SLC29A4: variants seen among roughly 807,000 people sequenced by gnomAD.
SLC29A4 encodes equilibrative nucleoside transporter 4.
In SLC29A4, 36 loss-of-function variants were observed where a neutral mutation model predicts 43.9. That is an observed-to-expected ratio of 0.82 (90% confidence interval 0.63 to 1.08). SLC29A4 has a LOEUF of 1.08. Ranked by LOEUF, SLC29A4 falls within the 50% of genes least tolerant of loss-of-function variation. The pLI, the probability that SLC29A4 is intolerant of heterozygous loss-of-function variation, is 0.00. For synonymous variants in SLC29A4, 491 were observed against 338.0 expected (o/e 1.45, Z -4.97); for missense variants, 869 against 755.3 (o/e 1.15, Z -1.77).
intron 1 of SLC29A4, 138 bp from the exon 2 acceptor site, chr7:5,287,671 G>C (rs1785043684): frequency 1.2e-6 from 1 of 802,998 alleles, no homozygotes; most frequent in Non-Finnish European, 1.9e-6. Flanking sequence ...TTTGCAGTGA[G>C]GCATAGCTTG....
rs763628208 is a variant in SLC29A4 at position 5,299,326 on chromosome 7, C to G, written c.1108C>G (p.Leu370Val). 1 of 1,612,086 alleles carries G rather than the reference C, an allele frequency of 6.2e-7. No individual in the cohort carries two copies. Among genetic ancestry groups the G allele is most frequent in the Admixed American group, 1.7e-5 (1 of 60,012 alleles). Residue 370 changes from leucine (L) to valine (V), a missense_variant, in exon 9 of 11, where the codon CTG becomes GTG. Coordinates refer to ENST00000396872, the MANE Select transcript of SLC29A4 (RefSeq NM_153247.4). ...CGTGACCTACTTCATCACGCTGTGC[C>G]TGTTCCCCGGCCTCGAGTCTGAGAT... ...IAVTYFITLC[L>V]FPGLESEIRH...
At position 5,296,948 on chromosome 7, in the gene SLC29A4, T is replaced by G. The variant is rs1169243927; in HGVS notation, c.632T>G (p.Val211Gly). ...GCACGCCCCCCAGGCACGGCGGGCG[T>G]GATGATCTCTCTGAGCCGCATCCTC... ...GVMTGESTAG[V>G]MISLSRILTK... The change falls in exon 7 of 11, where the codon GTG (valine) becomes GGG (glycine). Residue 211 changes from valine (V) to glycine (G), a missense_variant. By Grantham distance (109) the Val-to-Gly change is moderately radical (BLOSUM62 -3). Coordinates refer to ENST00000396872, the MANE Select transcript of SLC29A4 (RefSeq NM_153247.4). 6.4e-7 allele frequency: 1 copy of G among 1,555,510 alleles called. No individual in the cohort carries two copies. Among genetic ancestry groups the G allele is most frequent in the Non-Finnish European group, 8.7e-7 (1 of 1,150,344 alleles).
At chr7:5,293,151 C>CT (rs892132837) in intron 5 of SLC29A4, among the ~76,000 whole-genome samples, 1 of 142,790 alleles carries the variant, frequency 7.0e-6, no homozygotes, top group Non-Finnish European at 1.5e-5. Flanking sequence ...TGTAGACTTT[C>CT]TTTTTTTTCT....
chr7:5,297,296 T>A, intron 7 of SLC29A4, 98 bp downstream of exon 7: 2 of 1,351,278 alleles, frequency 1.5e-6, no homozygotes, highest in Non-Finnish European at 2.0e-6. Context: ...CTCACCTGCA[T>A]CCCAGACTGT....
intron 10 of SLC29A4, among the ~76,000 whole-genome samples, chr7:5,302,191 T>A (rs1786218773): frequency 6.6e-6 from 1 of 152,158 alleles, no homozygotes; most frequent in African/African-American, 2.4e-5. Context: ...CCTCAGGTGA[T>A]CTGCCTGCCT....
Position 5,290,306 on chromosome 7 carries a change from G to A in SLC29A4, c.170-426G>A, listed in dbSNP as rs138666251. Among the ~76,000 whole-genome samples, 234 of 152,106 alleles carry A rather than the reference G, an allele frequency of 1.5e-3. 2 individuals are homozygous for A. In the East Asian group the frequency reaches 0.026, roughly 17 times the overall value. Reference sequence around the variant, plus strand: ...TCTCGATCTCCTGACCTCGTGATCCGCCCGTCTTGGCCTCCCAAAGTGCTG... The same window carrying A: ...TCTCGATCTCCTGACCTCGTGATCCACCCGTCTTGGCCTCCCAAAGTGCTG... On this transcript the variant is annotated intron_variant, in intron 2 of 10. Transcript: ENST00000396872.
chr7:5,289,270 G>A (rs1342936764), intron 2 of SLC29A4, among the ~76,000 whole-genome samples: 1 of 152,128 alleles, frequency 6.6e-6, no homozygotes, highest in Non-Finnish European at 1.5e-5. Flanking sequence ...GGTGGCACAC[G>A]CCTGTAATCC....
At chr7:5,297,863 C>T (rs561948041) in intron 7 of SLC29A4, among the ~76,000 whole-genome samples, 6 of 152,278 alleles carry the variant, frequency 3.9e-5, no homozygotes, top group Admixed American at 2.6e-4. Flanking sequence ...AGCACAGAGG[C>T]ACTGCCCCTA....
At chr7:5,293,850 T>C (rs1785470936) in intron 5 of SLC29A4, among the ~76,000 whole-genome samples, 1 of 152,182 alleles carries the variant, frequency 6.6e-6, no homozygotes, top group Non-Finnish European at 1.5e-5. Context: ...CTCATGCTTG[T>C]AATCCCAGCA....
chr7:5,284,855 T>G (rs989259509), intron 1 of SLC29A4, among the ~76,000 whole-genome samples: 3 of 152,218 alleles, frequency 2.0e-5, no homozygotes, highest in African/African-American at 4.8e-5. Context: ...TCCGCCTTCC[T>G]GGGTGGCGTG....
intron 5 of SLC29A4, among the ~76,000 whole-genome samples, chr7:5,292,450 A>G (rs1179288456): frequency 2.0e-5 from 3 of 152,040 alleles, no homozygotes; most frequent in African/African-American, 7.2e-5. Flanking sequence ...TTTATTTTGC[A>G]AAAATTTCAA....
Position 5,289,782 on chromosome 7 carries a change from C to A in SLC29A4, c.170-950C>A, listed in dbSNP as rs576514438. Among the ~76,000 whole-genome samples, 26 of 152,248 alleles carry A rather than the reference C, an allele frequency of 1.7e-4. 1 individual carries two copies. The South Asian group carries it at 5.4e-3, about 32-fold the overall frequency. On this transcript the variant is annotated intron_variant, in intron 2 of 10. Coordinates refer to ENST00000396872, the MANE Select transcript of SLC29A4 (RefSeq NM_153247.4). ...TAAAGGCAGTGACAAGGTCATACCG[C>A]CACCGAGCATGATACAAGAACCCGG...
In SLC29A4 at chr7:5,306,890, CAAT is replaced by C; in HGVS notation, c.*3955_*3957del. 2.0e-5 allele frequency: 3 copies of C among 147,404 alleles called. No individual in the cohort carries two copies. The highest frequency in any genetic ancestry group is 6.8e-3 in the Middle Eastern group (2 of 294). The allele number at this position is 147,404 out of a possible 1,614,324, so 9.1% of individuals were successfully genotyped here. ...CCAAAAGAAACATAAAAAAAAAAAC[CAAT>C]AATTCCCCCAAAAAACAAACCCAAA... is the stretch of plus-strand genomic sequence containing the variant. On this transcript the variant is annotated 3_prime_UTR_variant, in exon 11 of 11. Coordinates refer to ENST00000396872, the MANE Select transcript of SLC29A4 (RefSeq NM_153247.4).
chr7:5,283,923 C>T (rs1474794084), intron 1 of SLC29A4, among the ~76,000 whole-genome samples: 2 of 152,118 alleles, frequency 1.3e-5, no homozygotes, highest in Non-Finnish European at 2.9e-5. Context: ...CTTTGGGGTC[C>T]CGACGCCCAG....
At chr7:5,289,396 A>C (rs184262969) in intron 2 of SLC29A4, among the ~76,000 whole-genome samples, 3 of 152,070 alleles carry the variant, frequency 2.0e-5, no homozygotes, top group African/African-American at 7.3e-5. Flanking sequence ...CTCTGAAAAA[A>C]AAGAAAGAAA....
chr7:5,289,226 G>A (rs1785156710), intron 2 of SLC29A4, among the ~76,000 whole-genome samples: 3 of 151,764 alleles, frequency 2.0e-5, no homozygotes, highest in Non-Finnish European at 2.9e-5. Context: ...GCAAAATCTC[G>A]TCTGTACAAA....
At chr7:5,283,643 CG>C (rs1316941327) in intron 1 of SLC29A4, among the ~76,000 whole-genome samples, 1 of 152,152 alleles carries the variant, frequency 6.6e-6, no homozygotes, top group African/African-American at 2.4e-5. Context: ...CATCGGTCCC[CG>C]GGGGGCTGCA....
In SLC29A4 at chr7:5,305,146, G is replaced by A. The variant is rs951611445; in HGVS notation, c.*2207G>A. 1.3e-5 allele frequency: 2 copies of A among 152,294 alleles called. No homozygotes were observed. Among genetic ancestry groups the A allele is most frequent in the African/African-American group, 4.8e-5 (2 of 41,468 alleles). The allele number at this position is 152,294 out of a possible 1,614,324, so 9.4% of individuals were successfully genotyped here. On this transcript the variant is annotated 3_prime_UTR_variant, in exon 11 of 11. Coordinates refer to ENST00000396872, the MANE Select transcript of SLC29A4 (RefSeq NM_153247.4). ...TGTCCTTAGCTTCCCCAAGGAATGGGGCTGGTCCAGGTTTTGATGTGGGTC... is the reference window on the plus strand; with the variant it reads ...TGTCCTTAGCTTCCCCAAGGAATGGAGCTGGTCCAGGTTTTGATGTGGGTC...
At chr7:5,298,465 C>G (rs1241042364) in intron 7 of SLC29A4, among the ~76,000 whole-genome samples, 2 of 152,014 alleles carry the variant, frequency 1.3e-5, no homozygotes, top group Non-Finnish European at 2.9e-5. Context: ...AGAGGGTTCA[C>G]AGGAATGATG....
Sources: allele counts gnomAD v4.1 joint callset (sites outside exome capture counted in the v4.1 genomes callset), GRCh38; gene constraint gnomAD v4.1.1; transcripts MANE v1.5; gene names NCBI Gene and HGNC (gene_info 2026-07-23, HGNC 2026-07-21).